EXOC4: variants seen among roughly 807,000 people sequenced by gnomAD.
The protein encoded by EXOC4 is exocyst complex component 4, also known as SEC8-like 1.
Under a neutral mutation model 107.2 loss-of-function variants are expected in EXOC4, and 71 were observed. That is an observed-to-expected ratio of 0.66 (90% confidence interval 0.55 to 0.81). The LOEUF (loss-of-function observed/expected upper bound fraction) is 0.81, where lower values mean the gene tolerates loss of function less well. Among genes scored for constraint, EXOC4 ranks in the 30% least tolerant of loss-of-function variants. The pLI is 0.00. For synonymous variants in EXOC4, 456 were observed against 441.2 expected (o/e 1.03, Z -0.42); for missense variants, 1,108 against 1,189.6 (o/e 0.93, Z 1.01).
At position 133,782,097 on chromosome 7, in the gene EXOC4, A is replaced by G. The variant is rs880429; in HGVS notation, c.1515-35228A>G. On this transcript the variant is annotated intron_variant, in intron 10 of 17. Transcript: ENST00000253861. ...GTGTCACTGCTGCTTGGGTTGCAGT[A>G]TTGTCTGCAACTAGTATCTTTGAAG... Among the ~76,000 whole-genome samples, 1,425 of 152,268 alleles carry G rather than the reference A, an allele frequency of 9.4e-3. 67 individuals are homozygous for G. The East Asian group carries it at 0.14, about 15-fold the overall frequency.
intron 3 of EXOC4, among the ~76,000 whole-genome samples, chr7:133,294,256 A>G (rs913340477): frequency 2.1e-4 from 32 of 152,334 alleles, no homozygotes; most frequent in African/African-American, 7.0e-4. Flanking sequence ...ATGATAGTTA[A>G]TATTTTCATA....
At chr7:133,329,514 G>A (rs1795329278) in intron 5 of EXOC4, among the ~76,000 whole-genome samples, 1 of 152,156 alleles carries the variant, frequency 6.6e-6, no homozygotes, top group Non-Finnish European at 1.5e-5. Flanking sequence ...CTAGTTTTTG[G>A]AATTTTCAGC....
At chr7:133,402,350 A>G (rs1433065315) in intron 7 of EXOC4, among the ~76,000 whole-genome samples, 2 of 152,332 alleles carry the variant, frequency 1.3e-5, no homozygotes, top group African/African-American at 4.8e-5. Context: ...CATTTTATCT[A>G]TCGGGAATAA....
At chr7:133,720,120 C>A (rs1382416002) in intron 10 of EXOC4, among the ~76,000 whole-genome samples, 2 of 152,126 alleles carry the variant, frequency 1.3e-5, no homozygotes, top group Admixed American at 6.6e-5. Context: ...AATAGTCTTT[C>A]ATTAAGTGGG....
At chr7:133,883,461 C>T (rs148806665) in intron 11 of EXOC4, among the ~76,000 whole-genome samples, 4 of 144,328 alleles carry the variant, frequency 2.8e-5, no homozygotes, top group African/African-American at 1.0e-4. Context: ...GGCAACATAG[C>T]AAGACTCCAT....
At chr7:133,888,683 C>A (rs1181445362) in intron 11 of EXOC4, among the ~76,000 whole-genome samples, 1 of 152,086 alleles carries the variant, frequency 6.6e-6, no homozygotes, top group Non-Finnish European at 1.5e-5. Flanking sequence ...TGTGTTTGGA[C>A]CCTGCGCCTA....
intron 14 of EXOC4, among the ~76,000 whole-genome samples, chr7:133,975,550 A>G (rs1220851971): frequency 6.6e-6 from 1 of 152,200 alleles, no homozygotes; most frequent in Non-Finnish European, 1.5e-5. Flanking sequence ...GTTTAGTTTT[A>G]AGAAAGTTAA....
chr7:133,482,516 C>T (rs2150863170), intron 9 of EXOC4, among the ~76,000 whole-genome samples: 1 of 152,224 alleles, frequency 6.6e-6, no homozygotes, highest in Middle Eastern at 3.4e-3. Context: ...TTCAGTCCTG[C>T]CCCAGTGGTC....
chr7:133,522,806 A>G (rs766242272), intron 9 of EXOC4, among the ~76,000 whole-genome samples: 2 of 152,176 alleles, frequency 1.3e-5, no homozygotes, highest in East Asian at 1.9e-4. Flanking sequence ...TGCATACACA[A>G]GATTTAAAAT....
intron 9 of EXOC4, among the ~76,000 whole-genome samples, chr7:133,542,586 C>T (rs1330531406): frequency 6.6e-6 from 1 of 152,014 alleles, no homozygotes; most frequent in East Asian, 1.9e-4. Context: ...CTGTGACCAG[C>T]CTTGGGCAAG....
At chr7:133,385,745 C>T (rs1188949851) in intron 7 of EXOC4, among the ~76,000 whole-genome samples, 1 of 152,104 alleles carries the variant, frequency 6.6e-6, no homozygotes. Flanking sequence ...ATATGGAAGT[C>T]GGCTTGCCCT....
chr7:133,276,486 A>C (rs2150526366), intron 2 of EXOC4, among the ~76,000 whole-genome samples: 2 of 152,310 alleles, frequency 1.3e-5, no homozygotes, highest in South Asian at 4.1e-4. Context: ...CTAATCTCCC[A>C]GATTCTAAAG....
intron 7 of EXOC4, among the ~76,000 whole-genome samples, chr7:133,432,123 C>T (rs575467900): frequency 4.6e-5 from 7 of 152,034 alleles, no homozygotes; most frequent in African/African-American, 1.2e-4. Context: ...TAGTCTATCC[C>T]TTTAATGTTG....
rs142066964 is a variant in EXOC4 at position 133,362,959 on chromosome 7, C to G, written c.1007+6386C>G. On this transcript the variant is annotated intron_variant, in intron 6 of 17. Transcript: ENST00000253861. ...GCAAGGTCAGGCATTTTCCTTGTGG[C>G]TTCTTATAGCCATTCCCAGGCACCG... is the stretch of plus-strand genomic sequence containing the variant. Among the ~76,000 whole-genome samples the G allele has an allele frequency of 3.3e-5, 5 of 152,264 alleles. No individual in the cohort carries two copies. The East Asian group carries it at 9.6e-4, about 29-fold the overall frequency.
At chr7:133,937,512 T>C (rs1386169898) in intron 13 of EXOC4, among the ~76,000 whole-genome samples, 2 of 152,218 alleles carry the variant, frequency 1.3e-5, no homozygotes, top group Non-Finnish European at 2.9e-5. Flanking sequence ...CAATAAACTT[T>C]AAACCATGTA....
chr7:133,463,423 G>C (rs1055840970), intron 7 of EXOC4, among the ~76,000 whole-genome samples: 5 of 152,236 alleles, frequency 3.3e-5, no homozygotes, highest in Admixed American at 1.3e-4. Context: ...ACTGTGATAT[G>C]GATGTGAGAA....
At chr7:133,255,247 G>C (rs538505590) in intron 1 of EXOC4, among the ~76,000 whole-genome samples, 31 of 151,918 alleles carry the variant, frequency 2.0e-4, no homozygotes, top group Admixed American at 1.6e-3. Context: ...CGCGATCTCG[G>C]CTCACTGCAA....
intron 10 of EXOC4, among the ~76,000 whole-genome samples, chr7:133,701,775 T>C (rs1794660090): frequency 6.6e-6 from 1 of 152,136 alleles, no homozygotes; most frequent in Non-Finnish European, 1.5e-5. Context: ...CCAGTCTAAA[T>C]ACAAAATTCA....
Position 134,004,935 on chromosome 7 carries a change from T to C in EXOC4, c.2372T>C (p.Ile791Thr). ...EVRVHCFHYLIPLAKEGNYAI... is the reference protein window; with the variant it reads ...EVRVHCFHYLTPLAKEGNYAI... Reference sequence around the variant, plus strand: ...AGGGTTCACTGTTTCCACTATCTTATCCCTCTTGCAAAGGAGGGGAACTAT... The same window carrying C: ...AGGGTTCACTGTTTCCACTATCTTACCCCTCTTGCAAAGGAGGGGAACTAT... The change falls in exon 16 of 18, where the codon ATC becomes ACC. Residue 791 changes from isoleucine (I) to threonine (T), a missense_variant. Physicochemically the swap from Ile to Thr is moderately conservative, Grantham distance 89. Coordinates refer to ENST00000253861, the MANE Select transcript of EXOC4 (RefSeq NM_021807.4). The C allele has an allele frequency of 6.2e-7, 1 of 1,613,224 alleles. No homozygotes were observed. Among genetic ancestry groups the C allele is most frequent in the Non-Finnish European group, 8.5e-7 (1 of 1,179,428 alleles).
Sources: gnomAD v4.1 joint callset for allele counts (sites outside exome capture counted in the v4.1 genomes callset) on GRCh38, gnomAD v4.1.1 for gene constraint, MANE v1.5 for transcripts, NCBI Gene and HGNC (gene_info 2026-07-23, HGNC 2026-07-21) for gene names.